Variants in ADARB1 observed in about 807,000 individuals in gnomAD.
ADARB1 encodes double-stranded RNA-specific editase 1.
In ADARB1, 10 loss-of-function variants were observed where a neutral mutation model predicts 52.4. That is an observed-to-expected ratio of 0.19 (90% confidence interval 0.12 to 0.32). ADARB1 has a LOEUF of 0.32. Ranked by LOEUF, ADARB1 falls within the 10% of genes least tolerant of loss-of-function variation. The probability of loss-of-function intolerance (pLI) is 1.00; values close to 1 mark genes in which losing one functional copy is unlikely to be tolerated. For missense variants in ADARB1, 643 were observed against 922.3 expected, an observed-to-expected ratio of 0.70 and a Z score of 3.92; for synonymous variants, 349 against 371.1, an observed-to-expected ratio of 0.94 and a Z score of 0.68.
chr21:45,210,527 C>T (rs369458142), intron 9 of ADARB1, among the ~76,000 whole-genome samples: 22 of 152,318 alleles, frequency 1.4e-4, no homozygotes, highest in African/African-American at 5.1e-4. Context: ...CACTGACTGC[C>T]GTCCTCAGGC....
At chr21:45,113,372 A>G (rs2776389) in intron 1 of ADARB1, among the ~76,000 whole-genome samples, 149,526 of 152,184 alleles carry the variant, frequency 0.98, 73,457 homozygotes, top group East Asian at 1. Context: ...GCAGTGAGCT[A>G]AGATCGTGCC....
chr21:45,166,061 A>G (rs2091242623), intron 2 of ADARB1, among the ~76,000 whole-genome samples: 3 of 152,206 alleles, frequency 2.0e-5, no homozygotes, highest in African/African-American at 7.2e-5. Context: ...AATAGAAACT[A>G]TTCAAGTTCT....
At chr21:45,184,038 G>C (rs1184726104) in intron 7 of ADARB1, among the ~76,000 whole-genome samples, 2 of 152,096 alleles carry the variant, frequency 1.3e-5, no homozygotes, top group Non-Finnish European at 2.9e-5. Flanking sequence ...ATTCCAAATA[G>C]AACGTTTTAT....
chr21:45,161,828 C>T (rs1441534749), intron 2 of ADARB1, among the ~76,000 whole-genome samples: 1 of 152,186 alleles, frequency 6.6e-6, no homozygotes, highest in Admixed American at 6.5e-5. Flanking sequence ...CACACACTTT[C>T]CTCTGAAGCC....
chr21:45,221,310 T>A lies in ADARB1; in HGVS notation c.1926+296T>A, dbSNP rs1362012610. Among the ~76,000 whole-genome samples the A allele has an allele frequency of 6.6e-6, 1 of 152,226 alleles. No homozygotes were observed. On this transcript the variant is annotated intron_variant, in intron 10 of 10. Transcript: ENST00000348831. This position sits in a 1 kb window ranked among gnomAD's most constrained non-coding sequence, Gnocchi z 4.9. ...TACTCTCAGATATTGAAAGTCATTA[T>A]GCAAAACGCAGGGCCAGTCACCCTG...
At chr21:45,160,852 G>C (rs1302006222) in intron 2 of ADARB1, among the ~76,000 whole-genome samples, 1 of 152,186 alleles carries the variant, frequency 6.6e-6, no homozygotes, top group African/African-American at 2.4e-5. Context: ...GTGTTGTTAA[G>C]TAATCGACTT....
At chr21:45,117,130 G>T (rs984978645) in intron 1 of ADARB1, 1 of 152,208 alleles carries the variant, frequency 6.6e-6, no homozygotes, top group South Asian at 2.1e-4. Context: ...ATGTGAAGTA[G>T]ACAGCCTTGC....
At chr21:45,215,394 T>G (rs2146425138) in intron 9 of ADARB1, among the ~76,000 whole-genome samples, 2 of 152,296 alleles carry the variant, frequency 1.3e-5, no homozygotes, top group Non-Finnish European at 2.9e-5. Context: ...GACATTTTTT[T>G]TTTCTATTTA....
chr21:45,096,406 G>A (rs1321087059), intron 1 of ADARB1, among the ~76,000 whole-genome samples: 2 of 152,242 alleles, frequency 1.3e-5, no homozygotes, highest in South Asian at 2.1e-4. Context: ...TGCACCAGCT[G>A]TGCCGGCCCT....
At chr21:45,175,008 CT>C (rs1432540280) in intron 3 of ADARB1, among the ~76,000 whole-genome samples, 1 of 152,098 alleles carries the variant, frequency 6.6e-6, no homozygotes, top group Non-Finnish European at 1.5e-5. Context: ...AGGATTCAGA[CT>C]TAGTCAGCCC....
intron 2 of ADARB1, among the ~76,000 whole-genome samples, chr21:45,133,224 G>T (rs893988099): frequency 6.6e-6 from 1 of 152,268 alleles, no homozygotes; most frequent in Admixed American, 6.5e-5. Flanking sequence ...GCTTCTGACT[G>T]AGGGTCCTCT....
At position 45,224,607 on chromosome 21, in the gene ADARB1, G is replaced by A; in HGVS notation, c.*2410G>A. 5.4e-6 allele frequency: 4 copies of A among 743,464 alleles called. No homozygotes were observed. In the African/African-American group the frequency reaches 1.4e-4, roughly 26 times the overall value. The allele number at this position is 743,464 out of a possible 1,614,324, so 46.1% of individuals were successfully genotyped here. On this transcript the variant is annotated 3_prime_UTR_variant, in exon 11 of 11. Coordinates refer to ENST00000348831, the MANE Select transcript of ADARB1 (RefSeq NM_001112.4). Reference sequence around the variant, plus strand: ...GGGGGCTACTGGGGGGCGGCTGTGAGGAGGAGTTGGGTTCAGGGAGCCCTG... The same window carrying A: ...GGGGGCTACTGGGGGGCGGCTGTGAAGAGGAGTTGGGTTCAGGGAGCCCTG...
At chr21:45,147,947 G>A (rs973922724) in intron 2 of ADARB1, among the ~76,000 whole-genome samples, 3 of 151,844 alleles carry the variant, frequency 2.0e-5, no homozygotes, top group African/African-American at 7.3e-5. Context: ...TGCCGCGCCT[G>A]TGCCAACTGC....
chr21:45,197,164 T>G (rs529338355), intron 8 of ADARB1, among the ~76,000 whole-genome samples: 1 of 151,234 alleles, frequency 6.6e-6, no homozygotes, highest in South Asian at 2.1e-4. Context: ...GGCATCAGAA[T>G]AAGACTCAAA....
rs1329062095 is a variant in ADARB1, at chr21:45,204,968, C to T, written c.1747+232C>T. Among the ~76,000 whole-genome samples the T allele has an allele frequency of 6.6e-6, 1 of 152,108 alleles. No individual in the cohort carries two copies. The highest frequency in any genetic ancestry group is 1.5e-5 in the Non-Finnish European group (1 of 68,034). On this transcript the variant is annotated intron_variant, in intron 9 of 10. Coordinates refer to ENST00000348831, the MANE Select transcript of ADARB1 (RefSeq NM_001112.4). The surrounding 1 kb of genome is among the most constrained non-coding windows in gnomAD (Gnocchi z 4.4). Reference sequence around the variant, plus strand: ...TCTCCTTTACCAATCACAAACCTAGCCATTCATAGAAGAATTGATGGGTTC... The same window carrying T: ...TCTCCTTTACCAATCACAAACCTAGTCATTCATAGAAGAATTGATGGGTTC...
At chr21:45,149,732 T>C (rs1237141658) in intron 2 of ADARB1, among the ~76,000 whole-genome samples, 1 of 152,252 alleles carries the variant, frequency 6.6e-6, no homozygotes, top group Non-Finnish European at 1.5e-5. Context: ...TATTTTGTTT[T>C]TATTTCTGCA....
chr21:45,153,443 G>A (rs934820850), intron 2 of ADARB1, among the ~76,000 whole-genome samples: 2 of 152,006 alleles, frequency 1.3e-5, no homozygotes, highest in Non-Finnish European at 2.9e-5. Context: ...CGTGATCAGT[G>A]CCTCTGCCTC....
chr21:45,151,098 G>A (rs1201496733), intron 2 of ADARB1, among the ~76,000 whole-genome samples: 2 of 152,194 alleles, frequency 1.3e-5, no homozygotes, highest in African/African-American at 4.8e-5. Flanking sequence ...AAGTGTGTGG[G>A]CAGGTGCCTG....
chr21:45,154,271 G>C (rs2090445181), intron 2 of ADARB1, among the ~76,000 whole-genome samples: 1 of 152,184 alleles, frequency 6.6e-6, no homozygotes, highest in Admixed American at 6.5e-5. Context: ...TCATTCCTAT[G>C]TGAGTAAGTT....
Sources: allele counts gnomAD v4.1 joint callset (sites outside exome capture counted in the v4.1 genomes callset), GRCh38; gene constraint gnomAD v4.1.1; non-coding constraint Gnocchi (gnomAD v3.1); transcripts MANE v1.5; gene names NCBI Gene and HGNC (gene_info 2026-07-23, HGNC 2026-07-21).